PARD3: variants seen among roughly 807,000 people sequenced by gnomAD.
PARD3 encodes par-3 family cell polarity regulator.
PARD3 carries 75 observed loss-of-function variants against 155.4 expected under a neutral mutation model. The ratio of observed to expected loss-of-function variants is 0.48; its 90% CI spans 0.40 to 0.58. The LOEUF (loss-of-function observed/expected upper bound fraction) is 0.58. Ranked by LOEUF, PARD3 falls within the 20% of genes least tolerant of loss-of-function variation. The probability of loss-of-function intolerance (pLI) is 0.00; values close to 1 mark genes in which losing one functional copy is unlikely to be tolerated. For missense variants in PARD3, 1,642 were observed against 1,721.7 expected, an observed-to-expected ratio of 0.95 and a Z score of 0.82; for synonymous variants, 576 against 610.5, an observed-to-expected ratio of 0.94 and a Z score of 0.83.
chr10:34,212,072 T>C (rs1951783192), intron 22 of PARD3, among the ~76,000 whole-genome samples: 1 of 151,790 alleles, frequency 6.6e-6, no homozygotes, highest in South Asian at 2.1e-4. Context: ...TTTGCTTCCA[T>C]GTGTATTTCT....
intron 2 of PARD3, among the ~76,000 whole-genome samples, chr10:34,678,492 C>G (rs1398097815): frequency 6.6e-6 from 1 of 152,052 alleles, no homozygotes; most frequent in African/African-American, 2.4e-5. Context: ...ATCAACTAAT[C>G]CTTTTTAGTG....
chr10:34,184,702 T>TG (rs955924762), intron 22 of PARD3, among the ~76,000 whole-genome samples: 2 of 151,132 alleles, frequency 1.3e-5, no homozygotes, highest in Non-Finnish European at 1.5e-5. Context: ...CTTTCGGTTT[T>TG]TTTTTTTTTT....
chr10:34,664,159 T>C (rs2093394461), intron 2 of PARD3: 1 of 152,188 alleles, frequency 6.6e-6, no homozygotes, highest in African/African-American at 2.4e-5. Flanking sequence ...TTAATATATT[T>C]GGTTATGTCA....
chr10:34,664,287 C>T (rs1466325526), intron 2 of PARD3, among the ~76,000 whole-genome samples: 1 of 152,150 alleles, frequency 6.6e-6, no homozygotes, highest in Non-Finnish European at 1.5e-5. Context: ...ACTGCAACCT[C>T]CACCTCCCAG....
intron 12 of PARD3, among the ~76,000 whole-genome samples, chr10:34,365,342 G>C (rs1483307264): frequency 6.6e-6 from 1 of 152,150 alleles, no homozygotes; most frequent in Non-Finnish European, 1.5e-5. Flanking sequence ...AGACAAGAAA[G>C]TATTTGTGAC....
At chr10:34,604,748 A>T (rs1029502724) in intron 2 of PARD3, among the ~76,000 whole-genome samples, 16 of 151,734 alleles carry the variant, frequency 1.1e-4, no homozygotes, top group Non-Finnish European at 2.2e-4. Context: ...AAAGATATTG[A>T]CAAATCTCGC....
chr10:34,539,777 G>A (rs1280444766), intron 2 of PARD3, among the ~76,000 whole-genome samples: 1 of 152,136 alleles, frequency 6.6e-6, no homozygotes, highest in Non-Finnish European at 1.5e-5. Flanking sequence ...AGTGTATGAT[G>A]GTGTGTTTTC....
At chr10:34,364,590 G>C (rs555360114) in intron 12 of PARD3, among the ~76,000 whole-genome samples, 1 of 152,060 alleles carries the variant, frequency 6.6e-6, no homozygotes, top group Non-Finnish European at 1.5e-5. Flanking sequence ...ACACCACCAA[G>C]CCTGACTAAC....
At chr10:34,400,102 G>A (rs528390193) in intron 6 of PARD3, among the ~76,000 whole-genome samples, 19 of 152,280 alleles carry the variant, frequency 1.2e-4, no homozygotes, top group African/African-American at 4.6e-4. Context: ...AAAGCCAACA[G>A]GCATCTACTG....
intron 1 of PARD3, among the ~76,000 whole-genome samples, chr10:34,814,040 C>T (rs932331466): frequency 2.0e-5 from 3 of 152,228 alleles, no homozygotes; most frequent in African/African-American, 7.2e-5. Flanking sequence ...GAAATCCACT[C>T]AACTCCCAAG....
rs762468743 is a variant in PARD3, at chr10:34,269,885, G to A, written c.3191C>T (p.Thr1064Ile). The change falls in exon 22 of 25, where the codon ACT (threonine) becomes ATT (isoleucine). Residue 1064 changes from threonine (T) to isoleucine (I), a missense_variant. By Grantham distance (89) the Thr-to-Ile change is moderately conservative (BLOSUM62 -1). Transcript: ENST00000374788. ...AGCTTGTCGTTCCCTAAATTCTCGA[G>A]TTTTGGCTTGAATCCTATGAAATCA... ...KQEQERIQAK[T>I]REFRERQARE... is the part of the protein sequence containing the mutation. 6.2e-7 allele frequency: 1 copy of A among 1,613,548 alleles called. No individual in the cohort carries two copies. The highest frequency in any genetic ancestry group is 8.5e-7 in the Non-Finnish European group (1 of 1,179,756).
chr10:34,286,561 A>G (rs1956402603), intron 20 of PARD3, among the ~76,000 whole-genome samples: 1 of 152,244 alleles, frequency 6.6e-6, no homozygotes. Context: ...CCTGAGACAC[A>G]GGCAGGCTGA....
intron 2 of PARD3, among the ~76,000 whole-genome samples, chr10:34,665,151 T>A (rs1271714015): frequency 6.6e-6 from 1 of 152,126 alleles, no homozygotes; most frequent in Non-Finnish European, 1.5e-5. Flanking sequence ...AAGTTATTAA[T>A]AATTAAGATT....
intron 3 of PARD3, among the ~76,000 whole-genome samples, chr10:34,493,949 G>T (rs570221010): frequency 7.2e-5 from 11 of 152,100 alleles, no homozygotes; most frequent in Non-Finnish European, 1.6e-4. Flanking sequence ...AACATTCAGT[G>T]ACATCAATTT....
intron 1 of PARD3, among the ~76,000 whole-genome samples, chr10:34,744,122 T>C (rs1420438957): frequency 6.6e-6 from 1 of 152,190 alleles, no homozygotes; most frequent in African/African-American, 2.4e-5. Flanking sequence ...ACCACGCTCC[T>C]CACCGCCCAT....
At chr10:34,118,995 G>C (rs1442753145) in intron 24 of PARD3, among the ~76,000 whole-genome samples, 2 of 152,178 alleles carry the variant, frequency 1.3e-5, no homozygotes, top group Non-Finnish European at 2.9e-5. Flanking sequence ...TGAGACCCTT[G>C]CAGGCCTTTG....
In PARD3 at chr10:34,115,874, G is replaced by A. The variant is rs12258398; in HGVS notation, c.3668+3739C>T. Among the ~76,000 whole-genome samples the A allele has an allele frequency of 9.2e-3, 1,400 of 151,986 alleles. 28 individuals are homozygous for A. Among genetic ancestry groups the A allele is most frequent in the African/African-American group, 0.032 (1,324 of 41,458 alleles). On this transcript the variant is annotated intron_variant, in intron 24 of 24. Coordinates refer to ENST00000374788, the MANE Select transcript of PARD3 (RefSeq NM_001184785.2). The stretch of plus-strand genomic sequence containing the variant: ...ACTACACGCGCCCACCACCAAGCCT[G>A]GCTAATGTTTTGTATTTTTAGTAGA...
chr10:34,408,660 C>T (rs1478721861), intron 5 of PARD3, among the ~76,000 whole-genome samples: 1 of 152,022 alleles, frequency 6.6e-6, no homozygotes, highest in African/African-American at 2.4e-5. Flanking sequence ...CAATTGAAAA[C>T]ATCTGTAGGA....
chr10:34,531,058 C>T (rs2082814434), intron 2 of PARD3, among the ~76,000 whole-genome samples: 1 of 152,216 alleles, frequency 6.6e-6, no homozygotes, highest in East Asian at 1.9e-4. Context: ...AGATTGGCAG[C>T]TGGTGTTTAT....
Sources: allele counts gnomAD v4.1 joint callset (sites outside exome capture counted in the v4.1 genomes callset), GRCh38; gene constraint gnomAD v4.1.1; transcripts MANE v1.5; gene names NCBI Gene and HGNC (gene_info 2026-07-23, HGNC 2026-07-21).